TBC1D8B: variants seen among roughly 807,000 people sequenced by gnomAD.
TBC1D8B encodes the protein TBC1 domain family member 8B, also known as RP11-321G1.1.
A neutral mutation model predicts 82.9 loss-of-function variants in TBC1D8B; 75 were observed. The ratio of observed to expected loss-of-function variants is 0.90; its 90% CI spans 0.75 to 1.10. The LOEUF is 1.10. Ranked by LOEUF, TBC1D8B falls within the 50% of genes least tolerant of loss-of-function variation. TBC1D8B has a pLI of 0.00. For missense variants in TBC1D8B, 794 were observed against 796.9 expected (o/e 1.00, Z 0.04); for synonymous variants, 276 against 276.8 (o/e 1.00, Z 0.03).
chrX:106,803,629 C>G (rs751342870), intron 1 of TBC1D8B, among the ~76,000 whole-genome samples: 1 of 111,577 alleles, frequency 9.0e-6, no homozygotes, highest in Non-Finnish European at 1.9e-5. Flanking sequence ...CTATTAACAA[C>G]GTCGTAATAA....
chrX:106,870,086 A>G (rs911930156), intron 19 of TBC1D8B, among the ~76,000 whole-genome samples: 1 of 110,947 alleles, frequency 9.0e-6, no homozygotes, highest in Non-Finnish European at 1.9e-5. Flanking sequence ...GCTGGAGTGC[A>G]GTGGCATGAT....
chrX:106,807,896 T>C (rs1389576059), intron 1 of TBC1D8B, among the ~76,000 whole-genome samples: 7 of 110,407 alleles, frequency 6.3e-5, no homozygotes, highest in Non-Finnish European at 1.3e-4. Flanking sequence ...CTACTAAAAA[T>C]ACAAAAATTA....
At chrX:106,862,766 G>GTTTTT (rs199693098) in intron 14 of TBC1D8B, among the ~76,000 whole-genome samples, 1 of 35,786 alleles carries the variant, frequency 2.8e-5, no homozygotes, top group Non-Finnish European at 5.6e-5. Context: ...CTTTGGATGG[G>GTTTTT]TTTTTTTTTG....
intron 7 of TBC1D8B, among the ~76,000 whole-genome samples, chrX:106,837,005 ATGT>A (rs1345199313): frequency 3.6e-5 from 4 of 111,785 alleles, no homozygotes; most frequent in African/African-American, 1.3e-4. Context: ...CCCCAAAAAG[ATGT>A]TGTACTCTTT....
At chrX:106,866,592 TG>T (rs761096375) in intron 16 of TBC1D8B, among the ~76,000 whole-genome samples, 152 of 112,339 alleles carry the variant, frequency 1.4e-3, no homozygotes, top group African/African-American at 4.4e-3. Flanking sequence ...TTTACTTTTT[TG>T]ATAAAGAGTA....
intron 14 of TBC1D8B, among the ~76,000 whole-genome samples, chrX:106,860,340 G>GGTGTGTGT (rs3078333): frequency 1.3e-3 from 105 of 82,784 alleles, no homozygotes; most frequent in East Asian, 3.7e-3. Context: ...TTTTATGATT[G>GGTGTGTGT]GTGTGTGTGT....
intron 1 of TBC1D8B, among the ~76,000 whole-genome samples, chrX:106,815,964 G>A (rs866225208): frequency 9.0e-6 from 1 of 111,297 alleles, no homozygotes; most frequent in Non-Finnish European, 1.9e-5. Flanking sequence ...ATACTGAATG[G>A]GCAAAAACTG....
At position 106,874,945 on chromosome X, in the gene TBC1D8B, A is replaced by G. The variant is rs1932877091; in HGVS notation, c.*980A>G. The G allele has an allele frequency of 8.9e-6, 1 of 112,435 alleles. No individual in the cohort carries two copies. Among genetic ancestry groups the G allele is most frequent in the Non-Finnish European group, 1.9e-5 (1 of 53,236 alleles). The allele number at this position is 112,435 out of a possible 1,213,427, so 9.3% of individuals were successfully genotyped here. ...TATTAGTCTGGCAAGCATATAAAGT[A>G]TACTTGTATGTAATGATTGCCAAGG... On this transcript the variant is annotated 3_prime_UTR_variant, in exon 21 of 21. Transcript: ENST00000357242.
chrX:106,819,096 CT>C (rs1385973917), intron 2 of TBC1D8B, among the ~76,000 whole-genome samples: 7 of 110,062 alleles, frequency 6.4e-5, no homozygotes, highest in Admixed American at 2.0e-4. Flanking sequence ...ATGAGAACTT[CT>C]CCATGAAATA....
In TBC1D8B at chrX:106,802,996, C is replaced by A. The variant is rs745326634; in HGVS notation, c.130+13C>A. 8.4e-7 allele frequency: 1 copy of A among 1,190,916 alleles called. No individual in the cohort carries two copies. Among genetic ancestry groups the A allele is most frequent in the South Asian group, 1.9e-5 (1 of 53,489 alleles). On this transcript the variant is annotated intron_variant, in intron 1 of 20. Coordinates refer to ENST00000357242, the MANE Select transcript of TBC1D8B (RefSeq NM_017752.3). ...GGGGGGCTCACAGGTAAGCTGTGGC[C>A]ACCCTACCTGCCTCTGGGCTGTGTT...
intron 14 of TBC1D8B, among the ~76,000 whole-genome samples, chrX:106,859,885 G>A (rs1020382110): frequency 6.3e-5 from 7 of 111,974 alleles, no homozygotes; most frequent in Non-Finnish European, 1.3e-4. Context: ...CTAGTTTGTT[G>A]AGGCTTTTTA....
At chrX:106,840,934 C>T (rs1932291531) in intron 10 of TBC1D8B, 50 bp downstream of exon 10, 6 of 1,081,073 alleles carry the variant, frequency 5.6e-6, no homozygotes, top group Non-Finnish European at 7.6e-6. Flanking sequence ...AATAAAATCA[C>T]ATCAAATCCA....
At chrX:106,853,065 G>T (rs930077011) in intron 12 of TBC1D8B, among the ~76,000 whole-genome samples, 6 of 111,473 alleles carry the variant, frequency 5.4e-5, no homozygotes, top group Admixed American at 9.5e-5. Flanking sequence ...AGCATGGAAT[G>T]TTCTTCTATT....
At chrX:106,850,984 G>A (rs1602430001) in intron 12 of TBC1D8B, among the ~76,000 whole-genome samples, 1 of 111,617 alleles carries the variant, frequency 9.0e-6, no homozygotes, top group African/African-American at 3.3e-5. Context: ...TGAGCTGTGT[G>A]GTATTTGCCA....
At position 106,853,610 on chromosome X, in the gene TBC1D8B, C is replaced by T. The variant is rs766514046; in HGVS notation, c.2213C>T (p.Thr738Ile). 8.3e-7 allele frequency: 1 copy of T among 1,208,770 alleles called. No individual in the cohort carries two copies. The highest frequency in any genetic ancestry group is 2.2e-5 in the Admixed American group (1 of 45,973). Residue 738 changes from threonine (T) to isoleucine (I), a missense_variant, in exon 13 of 21, where the codon ACT (threonine) becomes ATT (isoleucine). Transcript: ENST00000357242. ...SNVSDEKTSH[T>I]RVDITDLIRE... is the part of the protein sequence containing the mutation. ...GTGAGTGATGAAAAAACCAGTCATA[C>T]TAGAGTGGATATTACAGATTTGATT...
At chrX:106,869,073 A>G (rs1473629889) in intron 18 of TBC1D8B, among the ~76,000 whole-genome samples, 1 of 111,826 alleles carries the variant, frequency 8.9e-6, no homozygotes, top group Non-Finnish European at 1.9e-5. Flanking sequence ...AAAGGCACTA[A>G]GGCCCAGAGA....
intron 12 of TBC1D8B, among the ~76,000 whole-genome samples, chrX:106,852,691 GT>G (rs1932616125): frequency 9.2e-6 from 1 of 108,857 alleles, no homozygotes; most frequent in African/African-American, 3.3e-5. Context: ...CCCATTGCTT[GT>G]TTTTGTCAGG....
chrX:106,818,623 T>A, intron 1 of TBC1D8B, 40 bp from the exon 2 acceptor site: 1 of 1,025,675 alleles, frequency 9.7e-7, no homozygotes, highest in Non-Finnish European at 1.3e-6. Context: ...GATTTATCTC[T>A]TGTAAAGTCC....
chrX:106,815,452 G>T (rs1348181554), intron 1 of TBC1D8B: 18 of 111,310 alleles, frequency 1.6e-4, no homozygotes, highest in East Asian at 5.7e-4. Context: ...TACTGTAGCC[G>T]TGTAGTATAG....
Sources: gnomAD v4.1 joint callset for allele counts (sites outside exome capture counted in the v4.1 genomes callset) on GRCh38, gnomAD v4.1.1 for gene constraint, MANE v1.5 for transcripts, NCBI Gene and HGNC (gene_info 2026-07-23, HGNC 2026-07-21) for gene names.